Variants in TAMM41 observed in about 807,000 individuals in gnomAD.
TAMM41 encodes TAM41 mitochondrial translocator assembly and maintenance homolog, also known as phosphatidate cytidylyltransferase, mitochondrial.
TAMM41 carries 36 observed loss-of-function variants against 44.1 expected under a neutral mutation model. The observed-to-expected ratio is 0.82, with a 90% CI of 0.63 to 1.08. TAMM41 has a LOEUF of 1.08. Ranked by LOEUF, TAMM41 falls within the 50% of genes least tolerant of loss-of-function variation. The probability of loss-of-function intolerance (pLI) is 0.00; values close to 1 mark genes in which losing one functional copy is unlikely to be tolerated. For missense variants in TAMM41, 417 were observed against 404.3 expected, an observed-to-expected ratio of 1.03 and a Z score of -0.27; for synonymous variants, 164 against 153.1, an observed-to-expected ratio of 1.07 and a Z score of -0.53.
At chr3:11,731,003 C>T in the TAMM41 span, among the ~76,000 whole-genome samples, 2 of 152,102 alleles carry the variant, frequency 1.3e-5, no homozygotes, top group South Asian at 2.1e-4. Context: ...TCTATTTCCT[C>T]ACCTATATGA....
chr3:11,736,863 G>A, the TAMM41 span, among the ~76,000 whole-genome samples: 126 of 152,150 alleles, frequency 8.3e-4, no homozygotes, highest in Non-Finnish European at 1.3e-3. Flanking sequence ...GCCAAAGGGA[G>A]CTGGATAATC....
intron 7 of TAMM41, among the ~76,000 whole-genome samples, chr3:11,796,513 G>A (rs2077610208): frequency 1.3e-5 from 2 of 152,142 alleles, no homozygotes; most frequent in African/African-American, 2.4e-5. Context: ...CTGGCTAAGG[G>A]GAAGACCAAA....
chr3:11,834,177 G>A (rs537097544), intron 3 of TAMM41, among the ~76,000 whole-genome samples: 2 of 152,134 alleles, frequency 1.3e-5, no homozygotes, highest in Non-Finnish European at 2.9e-5. Context: ...CCGGGAGGTC[G>A]AGTAAATTGT....
chr3:11,767,626 A>ATTTTTCTTTTTTTTTTTTTTTTTTT, the TAMM41 span, among the ~76,000 whole-genome samples: 2 of 60,692 alleles, frequency 3.3e-5, no homozygotes, highest in Non-Finnish European at 6.1e-5. Context: ...CACGTTGTGC[A>ATTTTTCTTTTTTTTTTTTTTTTTTT]TTTTTTTTTT....
the TAMM41 span, among the ~76,000 whole-genome samples, chr3:11,752,103 T>G: frequency 6.6e-6 from 1 of 152,156 alleles, no homozygotes; most frequent in East Asian, 1.9e-4. Context: ...GGGTTTGTGG[T>G]CTCCCTGACT....
rs569953263 is a variant in TAMM41 at position 11,816,126 on chromosome 3, A to G, written c.708+1066T>C. Among the ~76,000 whole-genome samples, 20 of 152,200 alleles carry G rather than the reference A, an allele frequency of 1.3e-4. 1 individual carries two copies. Among genetic ancestry groups the G allele is most frequent in the African/African-American group, 4.8e-4 (20 of 41,528 alleles). ...CCTTTTTAGCTCTAGAAATTCCATT[A>G]ATCTATTACTCATTACAATGTTAGT... On this transcript the variant is annotated intron_variant, in intron 5 of 7. Transcript: ENST00000455809.
chr3:11,809,469 C>T, intron 6 of TAMM41, 48 bp downstream of exon 6: 1 of 1,605,190 alleles, frequency 6.2e-7, no homozygotes. Flanking sequence ...ACAAAGTCTG[C>T]TTTTCCCCAT....
chr3:11,774,818 T>C, the TAMM41 span, among the ~76,000 whole-genome samples: 1 of 151,740 alleles, frequency 6.6e-6, no homozygotes, highest in African/African-American at 2.4e-5. Context: ...TCTGCCCTCA[T>C]GACCTAATAA....
At chr3:11,820,837 T>G (rs1203057448) in intron 4 of TAMM41, among the ~76,000 whole-genome samples, 1 of 152,222 alleles carries the variant, frequency 6.6e-6, no homozygotes, top group Non-Finnish European at 1.5e-5. Context: ...GGATTTCTCC[T>G]TGACCTTGAA....
the TAMM41 span, among the ~76,000 whole-genome samples, chr3:11,740,547 G>A: frequency 1.2e-4 from 19 of 152,094 alleles, no homozygotes; most frequent in African/African-American, 4.3e-4. Context: ...TAGTCCTTTT[G>A]TGCTGCTATG....
intron 5 of TAMM41, among the ~76,000 whole-genome samples, chr3:11,810,467 A>C (rs6442290): frequency 0.57 from 86,333 of 152,050 alleles, 26,451 homozygotes; most frequent in African/African-American, 0.78. Flanking sequence ...TCCTAACTCC[A>C]AGTTTCATAC....
chr3:11,838,292 G>C (rs2125055839), intron 3 of TAMM41, among the ~76,000 whole-genome samples: 2 of 152,124 alleles, frequency 1.3e-5, no homozygotes, highest in African/African-American at 4.8e-5. Context: ...TCGGCTCATT[G>C]CAATTTCCAT....
At chr3:11,748,995 C>T in the TAMM41 span, among the ~76,000 whole-genome samples, 1 of 149,848 alleles carries the variant, frequency 6.7e-6, no homozygotes, top group South Asian at 2.1e-4. Context: ...TCACTGCAAC[C>T]TCTGCCTCCC....
chr3:11,814,978 GA>G (rs2078226885), intron 5 of TAMM41, among the ~76,000 whole-genome samples: 1 of 151,910 alleles, frequency 6.6e-6, no homozygotes, highest in Non-Finnish European at 1.5e-5. Context: ...GAGAAAGAAA[GA>G]AAAGAAAGAA....
the TAMM41 span, among the ~76,000 whole-genome samples, chr3:11,763,204 T>C: frequency 1.7e-3 from 252 of 152,344 alleles, 2 homozygotes; most frequent in African/African-American, 4.2e-3. Flanking sequence ...AGTGGCCTGA[T>C]CATGGCTCAC....
chr3:11,808,099 C>T, intron 6 of TAMM41: 2 of 1,123,868 alleles, frequency 1.8e-6, no homozygotes, highest in South Asian at 1.8e-5. Context: ...CGTGGCGCCA[C>T]CCGGCTGTGT....
At chr3:11,729,816 G>A in the TAMM41 span, among the ~76,000 whole-genome samples, 2 of 151,828 alleles carry the variant, frequency 1.3e-5, no homozygotes, top group Non-Finnish European at 2.9e-5. Flanking sequence ...AAGGAAGGAG[G>A]GAGGGAAGGA....
chr3:11,812,924 G>A (rs1015076431), intron 5 of TAMM41, among the ~76,000 whole-genome samples: 18 of 152,150 alleles, frequency 1.2e-4, no homozygotes, highest in African/African-American at 4.3e-4. Context: ...GGGAGAAGAT[G>A]AGTCTCAGTT....
intron 4 of TAMM41, among the ~76,000 whole-genome samples, chr3:11,823,652 C>A (rs2078618836): frequency 6.8e-6 from 1 of 146,490 alleles, no homozygotes; most frequent in Non-Finnish European, 1.5e-5. Context: ...TTGTTAGCTG[C>A]CTTTTTACTT....
Sources: gnomAD v4.1 joint callset for allele counts (sites outside exome capture counted in the v4.1 genomes callset) on GRCh38, gnomAD v4.1.1 for gene constraint, MANE v1.5 for transcripts, NCBI Gene and HGNC (gene_info 2026-07-23, HGNC 2026-07-21) for gene names.